The following DUSP16 variants were observed in gnomAD, a reference collection of about 807,000 sequenced individuals.
DUSP16 encodes dual specificity phosphatase 16, also known as dual specificity protein phosphatase 16.
Under a neutral mutation model 58.3 loss-of-function variants are expected in DUSP16, and 21 were observed. The ratio of observed to expected loss-of-function variants is 0.36; its 90% CI spans 0.26 to 0.52. The LOEUF (loss-of-function observed/expected upper bound fraction) is 0.52, where lower values mean the gene tolerates loss of function less well. Among genes scored for constraint, DUSP16 ranks in the 20% least tolerant of loss-of-function variants. The probability of loss-of-function intolerance (pLI) is 0.94; values close to 1 mark genes in which losing one functional copy is unlikely to be tolerated. For synonymous variants in DUSP16, 320 were observed against 323.8 expected, an observed-to-expected ratio of 0.99 and a Z score of 0.12; for missense variants, 726 against 819.0, an observed-to-expected ratio of 0.89 and a Z score of 1.39.
At chr12:12,526,257 C>G (rs1944306448) in intron 1 of DUSP16, among the ~76,000 whole-genome samples, 1 of 151,894 alleles carries the variant, frequency 6.6e-6, no homozygotes, top group Non-Finnish European at 1.5e-5. Flanking sequence ...TAATATTTAA[C>G]ACAAGTTGTA....
At chr12:12,552,909 T>C (rs1397525133) in intron 1 of DUSP16, among the ~76,000 whole-genome samples, 1 of 151,892 alleles carries the variant, frequency 6.6e-6, no homozygotes, top group Non-Finnish European at 1.5e-5. Flanking sequence ...GCCTCCCAAG[T>C]AGCTGGGATT....
intron 4 of DUSP16, among the ~76,000 whole-genome samples, chr12:12,496,034 G>C (rs1485097929): frequency 6.6e-6 from 1 of 152,206 alleles, no homozygotes; most frequent in Non-Finnish European, 1.5e-5. Context: ...AGTAACAGCT[G>C]AAGTGATATG....
chr12:12,534,490 A>C (rs1944438077), intron 1 of DUSP16, among the ~76,000 whole-genome samples: 1 of 152,098 alleles, frequency 6.6e-6, no homozygotes, highest in African/African-American at 2.4e-5. Flanking sequence ...TGTCCTTTCC[A>C]CTGTCTTTTT....
At chr12:12,518,144 G>C (rs1158229069) in intron 3 of DUSP16, among the ~76,000 whole-genome samples, 1 of 152,196 alleles carries the variant, frequency 6.6e-6, no homozygotes, top group East Asian at 1.9e-4. Flanking sequence ...TCTCCCCATA[G>C]GGTAAAAGTA....
Position 12,475,014 on chromosome 12 carries a change from C to T in DUSP16, c.*1819G>A, listed in dbSNP as rs183775537. The T allele has an allele frequency of 6.6e-6, 1 of 152,232 alleles. No individual in the cohort carries two copies. 9.4% of individuals were successfully genotyped at this position (152,232 alleles called of 1,614,324 possible). ...ATCATAGCACATTATTTGTGCACAA[C>T]TAGTGAGGTCTGTGCGGCTCATCAT... On this transcript the variant is annotated 3_prime_UTR_variant, in exon 7 of 7. Coordinates refer to ENST00000298573, the MANE Select transcript of DUSP16 (RefSeq NM_030640.3).
chr12:12,534,614 G>C (rs990340122), intron 1 of DUSP16, among the ~76,000 whole-genome samples: 5 of 152,216 alleles, frequency 3.3e-5, no homozygotes, highest in Admixed American at 1.3e-4. Context: ...CTCTTCATGA[G>C]TATAACCAAG....
chr12:12,494,043 C>T (rs563740891), intron 4 of DUSP16, among the ~76,000 whole-genome samples: 6 of 152,236 alleles, frequency 3.9e-5, no homozygotes, highest in African/African-American at 4.8e-5. Context: ...AATACATGAA[C>T]GAACCCTTAT....
intron 6 of DUSP16, among the ~76,000 whole-genome samples, chr12:12,478,348 T>A (rs1339699502): frequency 1.3e-5 from 2 of 151,632 alleles, no homozygotes; most frequent in African/African-American, 4.8e-5. Context: ...TTTTTTTTTT[T>A]AAGAGACAGA....
At chr12:12,492,188 G>GT (rs1565988326) in intron 4 of DUSP16, among the ~76,000 whole-genome samples, 1 of 152,104 alleles carries the variant, frequency 6.6e-6, no homozygotes, top group African/African-American at 2.4e-5. Context: ...AGCAATCTCT[G>GT]TATTTCCCCA....
intron 1 of DUSP16, among the ~76,000 whole-genome samples, chr12:12,542,146 G>A (rs1280376472): frequency 6.6e-6 from 1 of 152,146 alleles, no homozygotes; most frequent in Non-Finnish European, 1.5e-5. Flanking sequence ...AGAGGCCGAG[G>A]TGGGCGGATC....
chr12:12,539,463 G>A (rs548408044), intron 1 of DUSP16, among the ~76,000 whole-genome samples: 25 of 152,208 alleles, frequency 1.6e-4, no homozygotes, highest in African/African-American at 6.0e-4. Context: ...CAAATGTTTA[G>A]GTGTAGATGT....
intron 6 of DUSP16, among the ~76,000 whole-genome samples, chr12:12,479,682 A>G (rs1445079877): frequency 6.6e-6 from 1 of 152,216 alleles, no homozygotes. Context: ...CAGGGGAGTC[A>G]GACAAATCAG....
intron 2 of DUSP16, among the ~76,000 whole-genome samples, chr12:12,520,517 C>A (rs1485171289): frequency 6.6e-6 from 1 of 152,132 alleles, no homozygotes; most frequent in East Asian, 1.9e-4. Flanking sequence ...ATAAAAAGCA[C>A]CCCTAATAAT....
intron 4 of DUSP16, among the ~76,000 whole-genome samples, chr12:12,493,238 G>A (rs1214985400): frequency 6.6e-6 from 1 of 152,098 alleles, no homozygotes; most frequent in Non-Finnish European, 1.5e-5. Flanking sequence ...CTCAGTTAAT[G>A]GCAACTGCAT....
chr12:12,498,235 C>T (rs1471359102), intron 4 of DUSP16, among the ~76,000 whole-genome samples: 2 of 152,032 alleles, frequency 1.3e-5, no homozygotes, highest in African/African-American at 2.4e-5. Flanking sequence ...TAAAACTCAA[C>T]TGGATAATGT....
In DUSP16 at chr12:12,476,202, A is replaced by C. The variant is rs1329526886; in HGVS notation, c.*631T>G. Reference sequence around the variant, plus strand: ...TAGAAAATGGGCTACCAGATATGGTAGTGGTCAAAGCCCCGACTTTCCTGT... The same window carrying C: ...TAGAAAATGGGCTACCAGATATGGTCGTGGTCAAAGCCCCGACTTTCCTGT... On this transcript the variant is annotated 3_prime_UTR_variant, in exon 7 of 7. Coordinates refer to ENST00000298573, the MANE Select transcript of DUSP16 (RefSeq NM_030640.3). 1 of 152,720 alleles carries C rather than the reference A, an allele frequency of 6.5e-6. No individual in the cohort carries two copies. Among genetic ancestry groups the C allele is most frequent in the Non-Finnish European group, 1.5e-5 (1 of 68,082 alleles). 9.5% of individuals were successfully genotyped at this position (152,720 alleles called of 1,614,324 possible). A position where few individuals can be genotyped will look rare whatever the true frequency, so the allele number is the denominator to read the frequency against.
At chr12:12,503,205 G>T (rs187028218) in intron 3 of DUSP16, among the ~76,000 whole-genome samples, 1 of 151,124 alleles carries the variant, frequency 6.6e-6, no homozygotes, top group East Asian at 2.0e-4. Flanking sequence ...AAGCACTCAG[G>T]AGGTATCACT....
At chr12:12,530,795 T>C (rs905414837) in intron 1 of DUSP16, among the ~76,000 whole-genome samples, 5 of 152,160 alleles carry the variant, frequency 3.3e-5, no homozygotes, top group Middle Eastern at 3.2e-3. Context: ...TTTTACAACA[T>C]GGAATGTAGT....
chr12:12,496,637 A>G (rs1349058072), intron 4 of DUSP16, among the ~76,000 whole-genome samples: 1 of 152,232 alleles, frequency 6.6e-6, no homozygotes, highest in African/African-American at 2.4e-5. Flanking sequence ...AATGTGAACA[A>G]AAGTCTGCAT....
Sources: allele counts gnomAD v4.1 joint callset (sites outside exome capture counted in the v4.1 genomes callset), GRCh38; gene constraint gnomAD v4.1.1; transcripts MANE v1.5; gene names NCBI Gene and HGNC (gene_info 2026-07-23, HGNC 2026-07-21).